The following STK39 variants were observed in gnomAD, a reference collection of about 807,000 sequenced individuals.
STK39 encodes the protein serine/threonine kinase 39.
In STK39, 20 loss-of-function variants were observed where a neutral mutation model predicts 77.8. That is an observed-to-expected ratio of 0.26 (90% CI 0.18 to 0.37). The LOEUF (loss-of-function observed/expected upper bound fraction) is 0.37, where lower values mean the gene tolerates loss of function less well. STK39 is among the 10% of genes least tolerant of loss of function. The probability of loss-of-function intolerance (pLI) is 1.00; values close to 1 mark genes in which losing one functional copy is unlikely to be tolerated. For missense variants in STK39, 479 were observed against 656.5 expected (o/e 0.73, Z 2.95); for synonymous variants, 246 against 234.1 (o/e 1.05, Z -0.47).
At chr2:168,006,427 G>A (rs1684135279) in intron 16 of STK39, among the ~76,000 whole-genome samples, 1 of 152,106 alleles carries the variant, frequency 6.6e-6, no homozygotes. Context: ...TATGAATTTT[G>A]TGTTTTGCAT....
At chr2:167,964,855 A>C in intron 16 of STK39, 129 bp from the exon 17 acceptor site, 1 of 737,212 alleles carries the variant, frequency 1.4e-6, no homozygotes, top group Admixed American at 2.7e-5. Flanking sequence ...TAAACATTGC[A>C]AAGTCCATAT....
intron 5 of STK39, among the ~76,000 whole-genome samples, chr2:168,150,600 T>C (rs2105555750): frequency 6.6e-6 from 1 of 152,112 alleles, no homozygotes; most frequent in South Asian, 2.1e-4. Context: ...CACTACTCCT[T>C]TCTCTCTCAT....
At chr2:168,036,638 T>A (rs2105346288) in intron 14 of STK39, among the ~76,000 whole-genome samples, 1 of 152,344 alleles carries the variant, frequency 6.6e-6, no homozygotes, top group East Asian at 1.9e-4. Flanking sequence ...TATCTCTGGC[T>A]GGATGAGGTT....
At chr2:168,176,235 A>G (rs1427439687) in intron 2 of STK39, among the ~76,000 whole-genome samples, 1 of 152,220 alleles carries the variant, frequency 6.6e-6, no homozygotes, top group Admixed American at 6.5e-5. Flanking sequence ...AAGCTTTGCA[A>G]AAGTATTAAC....
At chr2:168,171,621 G>A (rs1009941216) in intron 2 of STK39, among the ~76,000 whole-genome samples, 3 of 151,766 alleles carry the variant, frequency 2.0e-5, no homozygotes, top group Admixed American at 6.6e-5. Context: ...TGAGTAGCAG[G>A]GGGGATGAGC....
At position 167,960,805 on chromosome 2, in the gene STK39, C is replaced by T. The variant is rs140920619; in HGVS notation, c.1563+3857G>A. 2.2e-4 allele frequency among the ~76,000 whole-genome samples: 33 copies of T among 152,202 alleles called. 1 individual carries two copies. The highest frequency in any genetic ancestry group is 3.4e-3 in the Middle Eastern group (1 of 294). On this transcript the variant is annotated intron_variant, in intron 17 of 17. Coordinates refer to ENST00000355999, the MANE Select transcript of STK39 (RefSeq NM_013233.3). The stretch of plus-strand genomic sequence containing the variant: ...CCCACCATAGAGTCTGAGAACCACT[C>T]GTCTATCCCAGTGCTTCCCAGTGTG...
At chr2:168,234,470 T>A (rs546020348) in intron 1 of STK39, among the ~76,000 whole-genome samples, 23 of 152,236 alleles carry the variant, frequency 1.5e-4, no homozygotes, top group South Asian at 1.0e-3. Flanking sequence ...CTGCTCTGAT[T>A]GTTATAAAAT....
chr2:167,999,239 T>A (rs936208966), intron 16 of STK39, among the ~76,000 whole-genome samples: 4 of 152,224 alleles, frequency 2.6e-5, no homozygotes, highest in Admixed American at 2.0e-4. Context: ...TGCTCTTGAA[T>A]TAGATGAAGA....
At chr2:168,044,288 C>T (rs1574416612) in intron 14 of STK39, among the ~76,000 whole-genome samples, 1 of 152,148 alleles carries the variant, frequency 6.6e-6, no homozygotes, top group Non-Finnish European at 1.5e-5. Flanking sequence ...AGTTTCAACA[C>T]CAATAACATA....
intron 14 of STK39, among the ~76,000 whole-genome samples, chr2:168,028,823 A>T (rs11685807): frequency 3.3e-5 from 5 of 151,990 alleles, no homozygotes; most frequent in African/African-American, 4.8e-5. Flanking sequence ...CACGCTAAGT[A>T]CTTTCTAACA....
At chr2:168,200,213 A>C (rs1372908955) in intron 1 of STK39, among the ~76,000 whole-genome samples, 1 of 152,238 alleles carries the variant, frequency 6.6e-6, no homozygotes, top group Admixed American at 6.5e-5. Context: ...AAAGGCTACA[A>C]GTGATTAGAC....
intron 15 of STK39, among the ~76,000 whole-genome samples, chr2:168,013,671 C>G (rs866777426): frequency 6.6e-6 from 1 of 152,170 alleles, no homozygotes; most frequent in African/African-American, 2.4e-5. Flanking sequence ...GAAAGTACAG[C>G]TGCTAAATCA....
In STK39 at chr2:167,954,247, A is replaced by G. The variant is rs894006388; in HGVS notation, c.*1249T>C. The stretch of plus-strand genomic sequence containing the variant: ...GCTGCCATATCTAGGGTTAGCTAGG[A>G]AAGAGCAATGGTACCATCCTGGGAG... On this transcript the variant is annotated 3_prime_UTR_variant, in exon 18 of 18. Coordinates refer to ENST00000355999, the MANE Select transcript of STK39 (RefSeq NM_013233.3). The G allele has an allele frequency of 3.3e-5, 5 of 152,580 alleles. No homozygotes were observed. Among genetic ancestry groups the G allele is most frequent in the Non-Finnish European group, 7.3e-5 (5 of 68,032 alleles). 9.5% of individuals were successfully genotyped at this position (152,580 alleles called of 1,614,324 possible).
chr2:168,230,714 C>T (rs1574576642), intron 1 of STK39, among the ~76,000 whole-genome samples: 2 of 152,328 alleles, frequency 1.3e-5, no homozygotes, highest in South Asian at 4.1e-4. Context: ...GCTGGCAAAA[C>T]TTCAAAAGAG....
chr2:168,130,599 A>G (rs544228536), intron 8 of STK39, among the ~76,000 whole-genome samples: 4 of 152,304 alleles, frequency 2.6e-5, no homozygotes, highest in African/African-American at 7.2e-5. Flanking sequence ...TGCAATTAGC[A>G]AGTGTTCTGT....
chr2:167,959,285 A>ATT (rs1348135554), intron 17 of STK39, among the ~76,000 whole-genome samples: 4 of 143,996 alleles, frequency 2.8e-5, no homozygotes, highest in African/African-American at 7.6e-5. Flanking sequence ...TGTCCAGGTA[A>ATT]TTTTTTTTTT....
chr2:168,065,503 C>G (rs1559080467), intron 12 of STK39, 122 bp from the exon 13 acceptor site: 4 of 1,033,140 alleles, frequency 3.9e-6, no homozygotes, highest in Non-Finnish European at 5.9e-6. Context: ...GCAATATTTA[C>G]CAAAGTGTGG....
intron 11 of STK39, 24 bp from the exon 12 acceptor site, chr2:168,075,035 TA>T: frequency 1.2e-6 from 2 of 1,613,690 alleles, no homozygotes; most frequent in Non-Finnish European, 1.7e-6. Flanking sequence ...ATGTATCCAT[TA>T]ATATATATAC....
chr2:167,980,753 GT>G (rs35891195), intron 16 of STK39, among the ~76,000 whole-genome samples: 60,703 of 141,814 alleles, frequency 0.43, 13,276 homozygotes, highest in African/African-American at 0.49. Flanking sequence ...TCTTGTTGTT[GT>G]TTTTTTTTTT....
Sources: gnomAD v4.1 joint callset for allele counts (sites outside exome capture counted in the v4.1 genomes callset) on GRCh38, gnomAD v4.1.1 for gene constraint, MANE v1.5 for transcripts, NCBI Gene and HGNC (gene_info 2026-07-23, HGNC 2026-07-21) for gene names.